Variants in P2RY10 observed in about 807,000 individuals in gnomAD.
P2RY10 encodes putative P2Y purinoceptor 10.
P2RY10 carries 4 observed loss-of-function variants against 12.1 expected under a neutral mutation model. The observed-to-expected ratio is 0.33, with a 90% CI of 0.16 to 0.76. The LOEUF (loss-of-function observed/expected upper bound fraction) is 0.76. P2RY10 is among the 30% of genes least tolerant of loss of function. The probability of loss-of-function intolerance (pLI) is 0.61; values close to 1 mark genes in which losing one functional copy is unlikely to be tolerated. For missense variants in P2RY10, 233 were observed against 264.6 expected (o/e 0.88, Z 0.83); for synonymous variants, 112 against 94.1 (o/e 1.19, Z -1.10).
intron 3 of P2RY10, among the ~76,000 whole-genome samples, chrX:78,960,104 C>T (rs5912198): frequency 0.41 from 45,327 of 110,596 alleles, 7,268 homozygotes; most frequent in Non-Finnish European, 0.51. Flanking sequence ...AAAAGTGAGG[C>T]TAAATTTCTA....
Position 78,962,174 on chromosome X carries a change from T to C in P2RY10, c.*634T>C, listed in dbSNP as rs1922662309. Among the ~76,000 whole-genome samples, 1 of 110,841 alleles carries C rather than the reference T, an allele frequency of 9.0e-6. No homozygotes were observed. Among genetic ancestry groups the C allele is most frequent in the African/African-American group, 3.3e-5 (1 of 30,402 alleles). On this transcript the variant is annotated 3_prime_UTR_variant, in exon 4 of 4. Coordinates refer to ENST00000171757, the MANE Select transcript of P2RY10 (RefSeq NM_014499.4). Reference sequence around the variant, plus strand: ...TCATAAGTTATTGGGGTACAGGTGGTATTTGGTTACATGAGTAAGTTCTTT... The same window carrying C: ...TCATAAGTTATTGGGGTACAGGTGGCATTTGGTTACATGAGTAAGTTCTTT...
rs1016526870 is a variant in P2RY10, at chrX:78,947,883, T to A, written c.-157+20T>A. On this transcript the variant is annotated intron_variant, in intron 2 of 3. Coordinates refer to ENST00000171757, the MANE Select transcript of P2RY10 (RefSeq NM_014499.4). ...TGCTTTGTAAGTAATTTCCCTTTTT[T>A]AAAAATGAGAAAATGCAAGACAAAA... 2 of 635,022 alleles carry A rather than the reference T, an allele frequency of 3.1e-6. No homozygotes were observed. The highest frequency in any genetic ancestry group is 2.4e-5 in the African/African-American group (1 of 41,223). The allele number at this position is 635,022 out of a possible 1,213,427, so 52.3% of individuals were successfully genotyped here. A position where few individuals can be genotyped will look rare whatever the true frequency, so the allele number is the denominator to read the frequency against.
At chrX:78,956,009 G>T (rs757250691) in intron 3 of P2RY10, among the ~76,000 whole-genome samples, 1 of 111,687 alleles carries the variant, frequency 9.0e-6, no homozygotes, top group East Asian at 2.8e-4. Flanking sequence ...GATTACAGAC[G>T]CAGCCTCCTC....
At chrX:78,952,481 G>T in intron 3 of P2RY10, 146 bp downstream of exon 3, 1 of 209,589 alleles carries the variant, frequency 4.8e-6, no homozygotes. Context: ...GTGCATTAAA[G>T]AATGGATATA....
Position 78,961,301 on chromosome X carries a change from A to G in P2RY10, c.781A>G (p.Ile261Val). The G allele has an allele frequency of 1.7e-6, 2 of 1,209,198 alleles. No individual in the cohort carries two copies. The highest frequency in any genetic ancestry group is 2.2e-6 in the Non-Finnish European group (2 of 893,518). ...CTTCATCTGCTTCACTCCCTATCAT[A>G]TTAACTTTATTTTTTACACCATGGT... is the stretch of plus-strand genomic sequence containing the variant. ...VFFICFTPYH[I>V]NFIFYTMVKE... is the part of the protein sequence containing the mutation. Residue 261 changes from isoleucine (I) to valine (V), a missense_variant, in exon 4 of 4, where the codon ATT becomes GTT. By Grantham distance (29) the Ile-to-Val change is conservative (BLOSUM62 3). Transcript: ENST00000171757.
intron 3 of P2RY10, among the ~76,000 whole-genome samples, chrX:78,957,364 A>ACG (rs1270965459): frequency 5.4e-5 from 5 of 92,840 alleles, no homozygotes; most frequent in Non-Finnish European, 8.7e-5. Flanking sequence ...AAAGACACAC[A>ACG]CACACACACA....
chrX:78,953,422 T>C (rs956422472), intron 3 of P2RY10, among the ~76,000 whole-genome samples: 3 of 112,209 alleles, frequency 2.7e-5, no homozygotes, highest in South Asian at 3.7e-4. Context: ...GGTTGGCAGA[T>C]AGTACAAAAT....
chrX:78,961,521 G>T lies in P2RY10; in HGVS notation c.1001G>T (p.Gly334Val). The change falls in exon 4 of 4, where the codon GGT becomes GTT. Residue 334 changes from glycine to valine, a missense_variant. By Grantham distance (109) the Gly-to-Val change is moderately radical (BLOSUM62 -3). Transcript: ENST00000171757. ...TRSRLMSKES[G>V]SSMIG is the part of the protein sequence containing the mutation. ...TCCCGCCTCATGAGCAAGGAGAGTG[G>T]TTCATCAATGATTGGCTAAAATTAA... The T allele has an allele frequency of 8.4e-7, 1 of 1,191,577 alleles. No homozygotes were observed. Among genetic ancestry groups the T allele is most frequent in the African/African-American group, 1.7e-5 (1 of 57,182 alleles).
Position 78,960,620 on chromosome X carries a change from T to C in P2RY10, c.100T>C (p.Tyr34His), listed in dbSNP as rs375807260. ...YCNVTNVKFQYSLYATTYILI... is the reference protein window; with the variant it reads ...YCNVTNVKFQHSLYATTYILI... ...TAATGTCACTAATGTGAAATTTCAATACTCCCTCTATGCAACCACCTATAT... is the reference window on the plus strand; with the variant it reads ...TAATGTCACTAATGTGAAATTTCAACACTCCCTCTATGCAACCACCTATAT... The change falls in exon 4 of 4, where the codon TAC becomes CAC. Residue 34 changes from tyrosine to histidine, a missense_variant. By Grantham distance (83) the Tyr-to-His change is moderately conservative. Coordinates refer to ENST00000171757, the MANE Select transcript of P2RY10 (RefSeq NM_014499.4). The C allele has an allele frequency of 8.3e-7, 1 of 1,209,611 alleles. No individual in the cohort carries two copies. Among genetic ancestry groups the C allele is most frequent in the Non-Finnish European group, 1.1e-6 (1 of 893,695 alleles).
At chrX:78,955,005 A>G (rs1276313376) in intron 3 of P2RY10, among the ~76,000 whole-genome samples, 1 of 111,813 alleles carries the variant, frequency 8.9e-6, no homozygotes, top group Non-Finnish European at 1.9e-5. Context: ...GAAAACGGGG[A>G]CGGGGTGGAG....
At chrX:78,954,719 T>C (rs1355497755) in intron 3 of P2RY10, among the ~76,000 whole-genome samples, 1 of 112,420 alleles carries the variant, frequency 8.9e-6, no homozygotes, top group Non-Finnish European at 1.9e-5. Flanking sequence ...CCCATTCCAC[T>C]CCATCATCCT....
intron 2 of P2RY10, among the ~76,000 whole-genome samples, chrX:78,950,392 G>T (rs891266166): frequency 9.0e-6 from 1 of 111,368 alleles, no homozygotes; most frequent in African/African-American, 3.3e-5. Context: ...GGGAAAGAGC[G>T]TATCAGAGCA....
At chrX:78,952,764 C>T (rs1194535318) in intron 3 of P2RY10, among the ~76,000 whole-genome samples, 1 of 111,616 alleles carries the variant, frequency 9.0e-6, no homozygotes, top group Non-Finnish European at 1.9e-5. Flanking sequence ...AAGAAGAGTG[C>T]TGCTATAAAT....
Position 78,960,940 on chromosome X carries a change from G to A in P2RY10, c.420G>A (p.Arg140=). ...GCTTTTTTCTCCTCAAGCCCTTCAGGGCCAGAGACTGGAAGCGTAGGTACG... is the reference window on the plus strand; with the variant it reads ...GCTTTTTTCTCCTCAAGCCCTTCAGAGCCAGAGACTGGAAGCGTAGGTACG... The part of the protein sequence containing the change: ...QRCFFLLKPF[R]ARDWKRRYDV... The change falls in exon 4 of 4, where the codon AGG becomes AGA. Residue 140 remains arginine (R), a synonymous_variant. Coordinates refer to ENST00000171757, the MANE Select transcript of P2RY10 (RefSeq NM_014499.4). The A allele has an allele frequency of 3.3e-6, 4 of 1,211,161 alleles. No individual in the cohort carries two copies. The Middle Eastern group carries it at 9.2e-4, about 278-fold the overall frequency.
intron 3 of P2RY10, among the ~76,000 whole-genome samples, chrX:78,955,240 T>C (rs1922282830): frequency 9.3e-6 from 1 of 107,999 alleles, no homozygotes; most frequent in African/African-American, 3.4e-5. Context: ...ATTGTGATGT[T>C]AGAGATTTTT....
chrX:78,961,162 C>T lies in P2RY10; in HGVS notation c.642C>T (p.Ile214=), dbSNP rs1467738476. ...LAGFVIPVII[I]AWCTWKTTIS... ...GATTTGTGATCCCAGTGATCATCAT[C>T]GCATGGTGTACCTGGAAAACTACTA... Residue 214 remains isoleucine (I), a synonymous_variant, in exon 4 of 4, where the codon ATC becomes ATT. Transcript: ENST00000171757. The T allele has an allele frequency of 2.5e-6, 3 of 1,210,856 alleles. No individual in the cohort carries two copies. The highest frequency in any genetic ancestry group is 1.8e-5 in the South Asian group (1 of 56,930).
chrX:78,951,818 A>T (rs1452475470), intron 2 of P2RY10, among the ~76,000 whole-genome samples: 2 of 111,562 alleles, frequency 1.8e-5, no homozygotes, highest in Non-Finnish European at 3.8e-5. Context: ...GTTGTGACAT[A>T]GGTAAATGTG....
At chrX:78,955,799 A>G (rs1922308301) in intron 3 of P2RY10, among the ~76,000 whole-genome samples, 1 of 111,976 alleles carries the variant, frequency 8.9e-6, no homozygotes, top group Admixed American at 9.5e-5. Context: ...AAAAGATAGG[A>G]AGTTTCTCAG....
intron 3 of P2RY10, among the ~76,000 whole-genome samples, chrX:78,960,215 C>T (rs1246128141): frequency 8.9e-6 from 1 of 112,089 alleles, no homozygotes; most frequent in Non-Finnish European, 1.9e-5. Flanking sequence ...GCTGTTTTTG[C>T]TGTGGTCAGA....
Sources: gnomAD v4.1 joint callset for allele counts (sites outside exome capture counted in the v4.1 genomes callset) on GRCh38, gnomAD v4.1.1 for gene constraint, MANE v1.5 for transcripts, NCBI Gene and HGNC (gene_info 2026-07-23, HGNC 2026-07-21) for gene names.